Variants in GRIA4 observed in about 807,000 individuals in gnomAD.
GRIA4 encodes glutamate ionotropic receptor AMPA type subunit 4.
In GRIA4, 34 loss-of-function variants were observed where a neutral mutation model predicts 104.0. The observed-to-expected ratio is 0.33, with a 90% CI of 0.25 to 0.44. The LOEUF (loss-of-function observed/expected upper bound fraction) is 0.44, where lower values mean the gene tolerates loss of function less well. Ranked by LOEUF, GRIA4 falls within the 20% of genes least tolerant of loss-of-function variation. The pLI is 1.00. For synonymous variants in GRIA4, 386 were observed against 381.9 expected, an observed-to-expected ratio of 1.01 and a Z score of -0.13; for missense variants, 750 against 1,096.5, an observed-to-expected ratio of 0.68 and a Z score of 4.46.
At chr11:105,926,565 A>G (rs1947712334) in intron 12 of GRIA4, among the ~76,000 whole-genome samples, 176 bp from the exon 13 acceptor site, 1 of 152,176 alleles carries the variant, frequency 6.6e-6, no homozygotes, top group Admixed American at 6.6e-5. Flanking sequence ...TAAATACACC[A>G]TAGAAGACAT....
intron 13 of GRIA4, among the ~76,000 whole-genome samples, chr11:105,931,820 C>T (rs1947884395): frequency 6.6e-6 from 1 of 152,096 alleles, no homozygotes; most frequent in Admixed American, 6.6e-5. Context: ...TACTTATTTC[C>T]GAACTTATGA....
chr11:105,649,656 T>C (rs1411111085), intron 3 of GRIA4, among the ~76,000 whole-genome samples: 5 of 152,108 alleles, frequency 3.3e-5, no homozygotes, highest in Non-Finnish European at 7.4e-5. Context: ...AAAGTCAAAC[T>C]TTATGAGATT....
At chr11:105,768,319 G>C (rs945563685) in intron 4 of GRIA4, among the ~76,000 whole-genome samples, 1 of 152,046 alleles carries the variant, frequency 6.6e-6, no homozygotes, top group African/African-American at 2.4e-5. Context: ...AAAAACATCT[G>C]TGTATGGATA....
Position 105,850,161 on chromosome 11 carries a change from A to G in GRIA4, c.488-11863A>G, listed in dbSNP as rs556818347. Among the ~76,000 whole-genome samples, 37 of 152,340 alleles carry G rather than the reference A, an allele frequency of 2.4e-4. No individual in the cohort carries two copies. In the South Asian group the frequency reaches 7.5e-3, roughly 31 times the overall value. ...ATTGCCACATTGTAAATATTTGATG[A>G]AAAATAAATAACTTGATCTGACTTC... is the stretch of plus-strand genomic sequence containing the variant. On this transcript the variant is annotated intron_variant, in intron 4 of 16. Transcript: ENST00000282499.
chr11:105,947,597 G>A (rs1452092559), intron 14 of GRIA4, among the ~76,000 whole-genome samples: 1 of 152,166 alleles, frequency 6.6e-6, no homozygotes, highest in Non-Finnish European at 1.5e-5. Flanking sequence ...TTGTTGCTTA[G>A]TAAAGTGAAA....
intron 7 of GRIA4, among the ~76,000 whole-genome samples, chr11:105,902,859 T>C (rs549756674): frequency 1.3e-5 from 2 of 152,312 alleles, no homozygotes; most frequent in African/African-American, 2.4e-5. Context: ...CAGTGACTAG[T>C]ACATACCCAT....
At chr11:105,889,532 A>G (rs891713849) in intron 6 of GRIA4, among the ~76,000 whole-genome samples, 20 of 152,098 alleles carry the variant, frequency 1.3e-4, no homozygotes, top group African/African-American at 4.8e-4. Flanking sequence ...TATTTTTGAG[A>G]GCTATGTGCA....
intron 3 of GRIA4, among the ~76,000 whole-genome samples, chr11:105,627,099 A>G (rs1425560252): frequency 6.6e-6 from 1 of 152,120 alleles, no homozygotes; most frequent in Non-Finnish European, 1.5e-5. Flanking sequence ...TTCACCTCTC[A>G]TAGGTGTTGG....
At chr11:105,879,710 T>C (rs1945975154) in intron 5 of GRIA4, among the ~76,000 whole-genome samples, 1 of 152,220 alleles carries the variant, frequency 6.6e-6, no homozygotes. Context: ...CAAGAGATTA[T>C]TTGTAAGGAA....
intron 3 of GRIA4, among the ~76,000 whole-genome samples, chr11:105,714,912 A>G (rs1160372148): frequency 6.6e-6 from 1 of 152,070 alleles, no homozygotes. Flanking sequence ...AATGTCCACA[A>G]AAGGATGACA....
chr11:105,712,667 C>T (rs981425261), intron 3 of GRIA4, among the ~76,000 whole-genome samples: 7 of 151,722 alleles, frequency 4.6e-5, no homozygotes. Context: ...ATCCGTTTCA[C>T]ATAGGTGTTT....
At chr11:105,658,641 G>A (rs1340444563) in intron 3 of GRIA4, among the ~76,000 whole-genome samples, 1 of 151,808 alleles carries the variant, frequency 6.6e-6, no homozygotes, top group African/African-American at 2.4e-5. Context: ...AAAGTGGCAA[G>A]TGAGAGAAAT....
At position 105,880,552 on chromosome 11, in the gene GRIA4, T is replaced by C. The variant is rs1442200946; in HGVS notation, c.673-6967T>C. Among the ~76,000 whole-genome samples the C allele has an allele frequency of 2.0e-5, 3 of 152,190 alleles. No homozygotes were observed. In the South Asian group the frequency reaches 6.2e-4, roughly 32 times the overall value. On this transcript the variant is annotated intron_variant, in intron 5 of 16. Transcript: ENST00000282499. ...AAATTGGGGAGAGATGCATATAAAG[T>C]GATCTAAAATCTGTGACCTGAAAGG...
rs544931793 is a variant in GRIA4 at position 105,654,866 on chromosome 11, G to A, written c.247+42432G>A. Among the ~76,000 whole-genome samples, 385 of 152,130 alleles carry A rather than the reference G, an allele frequency of 2.5e-3. 3 individuals carry two copies. Among genetic ancestry groups the A allele is most frequent in the Non-Finnish European group, 3.3e-3 (222 of 67,984 alleles). On this transcript the variant is annotated intron_variant, in intron 3 of 16. Coordinates refer to ENST00000282499, the MANE Select transcript of GRIA4 (RefSeq NM_000829.4). ...TGAGTGAAGTTGGTCTTCATGTTTT[G>A]TCCTCACAAACCCCTCTCAAAAACC... is the stretch of plus-strand genomic sequence containing the variant.
chr11:105,959,233 T>G (rs1336697118), intron 14 of GRIA4, among the ~76,000 whole-genome samples: 1 of 152,202 alleles, frequency 6.6e-6, no homozygotes, highest in Non-Finnish European at 1.5e-5. Flanking sequence ...TCTCCCTATC[T>G]CCTTCTGGTA....
chr11:105,856,694 C>T (rs1945020014), intron 4 of GRIA4, among the ~76,000 whole-genome samples: 1 of 152,130 alleles, frequency 6.6e-6, no homozygotes, highest in Admixed American at 6.6e-5. Flanking sequence ...CTTACAGACT[C>T]TACGACAGTG....
intron 5 of GRIA4, among the ~76,000 whole-genome samples, chr11:105,869,909 A>G (rs1488733748): frequency 6.6e-6 from 1 of 152,122 alleles, no homozygotes; most frequent in African/African-American, 2.4e-5. Flanking sequence ...TAAGATTAGA[A>G]GGAAATAAAG....
chr11:105,876,398 G>T (rs1945822598), intron 5 of GRIA4, among the ~76,000 whole-genome samples: 1 of 152,176 alleles, frequency 6.6e-6, no homozygotes, highest in African/African-American at 2.4e-5. Context: ...CTGTTGATTT[G>T]GGGTGGAGAG....
chr11:105,829,094 T>TACACACACACAGACACACAC (rs1943879138), intron 4 of GRIA4, among the ~76,000 whole-genome samples: 1 of 151,026 alleles, frequency 6.6e-6, no homozygotes, highest in Admixed American at 6.6e-5. Flanking sequence ...CAGTGATGTA[T>TACACACACACAGACACACAC]ACACACACAC....
Sources: gnomAD v4.1 joint callset for allele counts (sites outside exome capture counted in the v4.1 genomes callset) on GRCh38, gnomAD v4.1.1 for gene constraint, MANE v1.5 for transcripts, NCBI Gene and HGNC (gene_info 2026-07-23, HGNC 2026-07-21) for gene names.